The following PI4KB variants were observed in gnomAD, a reference collection of about 807,000 sequenced individuals.
PI4KB encodes PtdIns 4-kinase beta.
Under a neutral mutation model 81.4 loss-of-function variants are expected in PI4KB, and 23 were observed. That is an observed-to-expected ratio of 0.28 (90% CI 0.20 to 0.40). PI4KB has a LOEUF of 0.40. Ranked by LOEUF, PI4KB falls within the 10% of genes least tolerant of loss-of-function variation. PI4KB has a pLI of 1.00. For synonymous variants in PI4KB, 381 were observed against 406.8 expected, an observed-to-expected ratio of 0.94 and a Z score of 0.76; for missense variants, 651 against 1,036.6, an observed-to-expected ratio of 0.63 and a Z score of 5.11.
At chr1:151,306,802 C>G (rs745359555) in intron 4 of PI4KB, among the ~76,000 whole-genome samples, 4 of 152,172 alleles carry the variant, frequency 2.6e-5, no homozygotes, top group Non-Finnish European at 5.9e-5. Flanking sequence ...ATGGGCCGGG[C>G]GCGGTGGCTC....
At chr1:151,295,255 C>T (rs1694687464) in intron 9 of PI4KB, among the ~76,000 whole-genome samples, 1 of 152,210 alleles carries the variant, frequency 6.6e-6, no homozygotes, top group African/African-American at 2.4e-5. Flanking sequence ...TTCAGCATAA[C>T]TGGCCTACTC....
intron 2 of PI4KB, among the ~76,000 whole-genome samples, chr1:151,312,868 A>C (rs587701854): frequency 6.6e-6 from 1 of 152,282 alleles, no homozygotes; most frequent in African/African-American, 2.4e-5. Context: ...TTTTTTAAAA[A>C]TTAGCCAGGT....
intron 1 of PI4KB, among the ~76,000 whole-genome samples, chr1:151,317,894 G>C (rs939204979): frequency 6.6e-6 from 1 of 151,884 alleles, no homozygotes; most frequent in African/African-American, 2.4e-5. Context: ...CTGTAACCTT[G>C]AACTCCTAGG....
Position 151,301,802 on chromosome 1 carries a change from G to A in PI4KB, c.1749+42C>T, listed in dbSNP as rs1695312037. On this transcript the variant is annotated intron_variant, in intron 8 of 11. Coordinates refer to ENST00000368873, the MANE Select transcript of PI4KB (RefSeq NM_001369623.2). Reference sequence around the variant, plus strand: ...CCGCCTCGGCCTCCCAGAGTGCTGGGATTACAGCCACTGTGCCTGGCCTCT... The same window carrying A: ...CCGCCTCGGCCTCCCAGAGTGCTGGAATTACAGCCACTGTGCCTGGCCTCT... The A allele has an allele frequency of 3.7e-6, 6 of 1,600,282 alleles. No individual in the cohort carries two copies. In the South Asian group the frequency reaches 4.4e-5, roughly 12 times the overall value.
intron 8 of PI4KB, chr1:151,300,716 A>G (rs1426997260): frequency 6.6e-6 from 1 of 152,116 alleles, no homozygotes; most frequent in Non-Finnish European, 1.5e-5. Context: ...GGCTATTCAC[A>G]GTCTCGATCC....
intron 5 of PI4KB, among the ~76,000 whole-genome samples, chr1:151,304,915 C>T (rs896062145): frequency 2.6e-5 from 4 of 151,764 alleles, no homozygotes; most frequent in Non-Finnish European, 5.9e-5. Context: ...CTGCAACCTC[C>T]GCCTCCTGGG....
At chr1:151,320,031 G>C (rs940984301) in intron 1 of PI4KB, among the ~76,000 whole-genome samples, 1 of 152,074 alleles carries the variant, frequency 6.6e-6, no homozygotes, top group Non-Finnish European at 1.5e-5. Context: ...GAAATGTTAA[G>C]GTTACTTTTT....
At chr1:151,327,194 TGCGGGACAGGGTGG>T (rs919607593) in intron 1 of PI4KB, 63 bp downstream of exon 1, 18 of 360,190 alleles carry the variant, frequency 5.0e-5, no homozygotes, top group African/African-American at 4.0e-4. Context: ...GGGAAGACTG[TGCGGGACAGGGTGG>T]GAGAGGGACC....
intron 5 of PI4KB, among the ~76,000 whole-genome samples, chr1:151,305,036 GCCAGGCTGGTCTCGAACT>G (rs963615052): frequency 5.9e-5 from 9 of 152,154 alleles, no homozygotes; most frequent in Middle Eastern, 3.4e-3. Flanking sequence ...CACCATGTTG[GCCAGGCTGGTCTCGAACT>G]CCTGACCTCA....
intron 3 of PI4KB, among the ~76,000 whole-genome samples, chr1:151,309,475 T>TAA (rs1292020545): frequency 1.3e-5 from 2 of 151,968 alleles, no homozygotes; most frequent in African/African-American, 4.8e-5. Context: ...ACAAATCAAA[T>TAA]AGAAAATATA....
chr1:151,306,468 G>A, intron 4 of PI4KB, 105 bp from the exon 5 acceptor site: 1 of 718,302 alleles, frequency 1.4e-6, no homozygotes, highest in Admixed American at 2.2e-5. Context: ...CCTAGCTCCA[G>A]CCTTCATCCA....
chr1:151,310,130 G>A (rs1696091848), intron 3 of PI4KB, 81 bp downstream of exon 3: 5 of 984,718 alleles, frequency 5.1e-6, no homozygotes, highest in Non-Finnish European at 8.0e-6. Flanking sequence ...CTTGGCCTGG[G>A]GGCTCAGAAG....
chr1:151,298,194 TTCC>T (rs1349275815), intron 9 of PI4KB, among the ~76,000 whole-genome samples: 1 of 152,144 alleles, frequency 6.6e-6, no homozygotes, highest in Non-Finnish European at 1.5e-5. Context: ...GGCTGAGAGT[TTCC>T]ACTTCATCTC....
At chr1:151,296,109 G>A (rs1054699255) in intron 9 of PI4KB, among the ~76,000 whole-genome samples, 6 of 152,102 alleles carry the variant, frequency 3.9e-5, no homozygotes, top group African/African-American at 1.4e-4. Flanking sequence ...AGCTGGGCGT[G>A]GTGGCGCATG....
In PI4KB at chr1:151,301,830, T is replaced by C. The variant is rs1217272894; in HGVS notation, c.1749+14A>G. 2 of 1,613,018 alleles carry C rather than the reference T, an allele frequency of 1.2e-6. No individual in the cohort carries two copies. Among genetic ancestry groups the C allele is most frequent in the Non-Finnish European group, 1.7e-6 (2 of 1,179,480 alleles). On this transcript the variant is annotated intron_variant, in intron 8 of 11. Transcript: ENST00000368873. ...TACAGCCACTGTGCCTGGCCTCTCCTTCTCTTCTCTTACCTGCAGTTGCTT... is the reference window on the plus strand; with the variant it reads ...TACAGCCACTGTGCCTGGCCTCTCCCTCTCTTCTCTTACCTGCAGTTGCTT...
intron 11 of PI4KB, chr1:151,293,302 G>C: frequency 7.2e-7 from 1 of 1,382,840 alleles, no homozygotes. Context: ...GGGTGGAGGG[G>C]CCCAGAGGGC....
At chr1:151,307,828 G>T (rs1208645413) in intron 3 of PI4KB, 27 bp from the exon 4 acceptor site, 14 of 1,537,410 alleles carry the variant, frequency 9.1e-6, no homozygotes, top group Non-Finnish European at 1.3e-5. Flanking sequence ...TAAGACAAAA[G>T]ATGGTGAAGA....
Position 151,292,857 on chromosome 1 carries a change from T to G in PI4KB, c.2446A>C (p.Met816Leu). 1 of 1,613,884 alleles carries G rather than the reference T, an allele frequency of 6.2e-7. No homozygotes were observed. The highest frequency in any genetic ancestry group is 8.5e-7 in the Non-Finnish European group (1 of 1,179,930). The change falls in exon 12 of 12, where the codon ATG (methionine) becomes CTG (leucine). Residue 816 changes from methionine (M) to leucine (L), a missense_variant. Transcript: ENST00000368873. ...DGFQYLTNGI[M>L] ...CTCCTGGGCTGAGGAGCGTGTCACATGATGCCGTTGGTGAGGTACTGGAAG... is the reference window on the plus strand; with the variant it reads ...CTCCTGGGCTGAGGAGCGTGTCACAGGATGCCGTTGGTGAGGTACTGGAAG...
chr1:151,295,911 T>C (rs1694751372), intron 9 of PI4KB, among the ~76,000 whole-genome samples: 1 of 152,142 alleles, frequency 6.6e-6, no homozygotes, highest in East Asian at 1.9e-4. Context: ...ATCCTGACAC[T>C]TTGAGATAGT....
Sources: allele counts gnomAD v4.1 joint callset (sites outside exome capture counted in the v4.1 genomes callset), GRCh38; gene constraint gnomAD v4.1.1; transcripts MANE v1.5; gene names NCBI Gene and HGNC (gene_info 2026-07-23, HGNC 2026-07-21).